The following SIK2 variants were observed in gnomAD, a reference collection of about 807,000 sequenced individuals.
SIK2 encodes the protein salt inducible kinase 2, also known as serine/threonine-protein kinase SIK2.
Under a neutral mutation model 103.2 loss-of-function variants are expected in SIK2, and 29 were observed. The observed-to-expected ratio is 0.28, with a 90% CI of 0.21 to 0.38. The LOEUF (loss-of-function observed/expected upper bound fraction) is 0.38, where lower values mean the gene tolerates loss of function less well. Among genes scored for constraint, SIK2 ranks in the 10% least tolerant of loss-of-function variants. SIK2 has a pLI of 1.00. For synonymous variants in SIK2, 412 were observed against 446.1 expected (o/e 0.92, Z 0.96); for missense variants, 879 against 1,171.0 (o/e 0.75, Z 3.64).
At chr11:111,700,798 A>G (rs987061223) in intron 4 of SIK2, 88 bp from the exon 5 acceptor site, 9 of 1,495,442 alleles carry the variant, frequency 6.0e-6, no homozygotes, top group Non-Finnish European at 8.2e-6. Context: ...TGATATTGTT[A>G]ATATAGCATA....
At chr11:111,670,697 C>T (rs1160799384) in intron 3 of SIK2, among the ~76,000 whole-genome samples, 2 of 152,182 alleles carry the variant, frequency 1.3e-5, no homozygotes, top group East Asian at 3.8e-4. Flanking sequence ...ATAAAAGAAT[C>T]ATAATTTTTT....
At chr11:111,717,989 T>C (rs1943694840) in intron 9 of SIK2, among the ~76,000 whole-genome samples, 1 of 152,038 alleles carries the variant, frequency 6.6e-6, no homozygotes, top group African/African-American at 2.4e-5. Context: ...AGGTGATAGG[T>C]TGACAGGTGC....
At chr11:111,661,092 T>A (rs925138041) in intron 3 of SIK2, among the ~76,000 whole-genome samples, 1 of 152,126 alleles carries the variant, frequency 6.6e-6, no homozygotes, top group Non-Finnish European at 1.5e-5. Context: ...CCAGTCGAGA[T>A]GAATCTAAAA....
chr11:111,615,053 C>G (rs1320959229), intron 1 of SIK2, among the ~76,000 whole-genome samples: 1 of 152,026 alleles, frequency 6.6e-6, no homozygotes, highest in Non-Finnish European at 1.5e-5. Context: ...GCAGGAGAAT[C>G]ACTTGAACCC....
At chr11:111,671,286 C>A in intron 3 of SIK2, 1 of 241,738 alleles carries the variant, frequency 4.1e-6, no homozygotes, top group African/African-American at 2.3e-5. Context: ...GCTCCTGGTA[C>A]TCATGCAGCT....
At chr11:111,693,282 C>T (rs552864490) in intron 4 of SIK2, among the ~76,000 whole-genome samples, 69 of 150,772 alleles carry the variant, frequency 4.6e-4, no homozygotes, top group Middle Eastern at 3.4e-3. Flanking sequence ...TGCAGTGAGC[C>T]GAGATTGTGC....
chr11:111,620,520 T>A (rs1490277453), intron 3 of SIK2, 118 bp downstream of exon 3: 2 of 637,012 alleles, frequency 3.1e-6, no homozygotes, highest in Non-Finnish European at 5.4e-6. Flanking sequence ...TGAAAAAAAA[T>A]TAAGTGTTAG....
intron 4 of SIK2, among the ~76,000 whole-genome samples, chr11:111,695,650 A>G (rs1476290512): frequency 6.6e-6 from 1 of 152,228 alleles, no homozygotes; most frequent in East Asian, 1.9e-4. Flanking sequence ...TTACAAATGC[A>G]GAATCTGAGG....
intron 8 of SIK2, among the ~76,000 whole-genome samples, chr11:111,709,290 C>T (rs1375492093): frequency 6.6e-6 from 1 of 152,166 alleles, no homozygotes; most frequent in African/African-American, 2.4e-5. Context: ...ATCAGGGCCC[C>T]AACCTCAGGA....
chr11:111,725,220 G>A lies in SIK2; in HGVS notation c.*1091G>A, dbSNP rs1308969514. On this transcript the variant is annotated 3_prime_UTR_variant, in exon 15 of 15. Transcript: ENST00000304987. ...TCTTTCTTTTCTGTAGAAACCAACA[G>A]TTTCCATTTATGTCAATGCTAAATC... 2.0e-5 allele frequency: 3 copies of A among 152,590 alleles called. No individual in the cohort carries two copies. The highest frequency in any genetic ancestry group is 4.4e-5 in the Non-Finnish European group (3 of 68,020). The allele number at this position is 152,590 out of a possible 1,614,324, so 9.5% of individuals were successfully genotyped here.
chr11:111,657,863 T>C (rs1342082378), intron 3 of SIK2, among the ~76,000 whole-genome samples: 1 of 151,690 alleles, frequency 6.6e-6, no homozygotes, highest in Non-Finnish European at 1.5e-5. Flanking sequence ...AGAGGAAAGG[T>C]AGATAGGAGG....
At chr11:111,652,866 TA>T (rs1942345035) in intron 3 of SIK2, among the ~76,000 whole-genome samples, 1 of 152,208 alleles carries the variant, frequency 6.6e-6, no homozygotes, top group Admixed American at 6.5e-5. Context: ...TAGTCTTGAT[TA>T]AATCAGAGGC....
intron 4 of SIK2, among the ~76,000 whole-genome samples, chr11:111,697,296 G>A (rs1360302015): frequency 6.6e-6 from 1 of 152,176 alleles, no homozygotes; most frequent in Non-Finnish European, 1.5e-5. Flanking sequence ...CTTTTAAGAG[G>A]TGGGAACAAC....
intron 3 of SIK2, among the ~76,000 whole-genome samples, chr11:111,677,130 C>T (rs1359253436): frequency 1.3e-5 from 2 of 152,160 alleles, no homozygotes; most frequent in Non-Finnish European, 2.9e-5. Context: ...TTAATACCAT[C>T]CAGATGACAT....
Position 111,719,776 on chromosome 11 carries a change from T to A in SIK2, c.1268T>A (p.Val423Asp), listed in dbSNP as rs1565392956. The change falls in exon 10 of 15, where the codon GTC becomes GAC. Residue 423 changes from valine to aspartate, a missense_variant and splice_region_variant. Transcript: ENST00000304987. ...TTTCCTCTCTCCCCTGGCGTTTAGG[T>A]CAATGGCTGTCTGCTTGACCCTGTG... ...MEEECVDTPK[V>D]NGCLLDPVPP... is the part of the protein sequence containing the mutation. 1 of 1,612,364 alleles carries A rather than the reference T, an allele frequency of 6.2e-7. No homozygotes were observed. The highest frequency in any genetic ancestry group is 8.5e-7 in the Non-Finnish European group (1 of 1,179,502).
Position 111,701,571 on chromosome 11 carries a change from A to T in SIK2, c.723A>T (p.Ser241=). 6.2e-7 allele frequency: 1 copy of T among 1,613,710 alleles called. No individual in the cohort carries two copies. Among genetic ancestry groups the T allele is most frequent in the Non-Finnish European group, 8.5e-7 (1 of 1,179,686 alleles). ...GATTCCGGATTCCGTATTTCATGTC[A>T]GAAGGTAATCAACTTTTCATCTTAT... ...EGRFRIPYFM[S]EDCEHLIRRM... Residue 241 remains serine (S), a synonymous_variant, in exon 6 of 15, where the codon TCA becomes TCT. Transcript: ENST00000304987. This position sits in a 1 kb window ranked among gnomAD's most constrained non-coding sequence, Gnocchi z 4.2.
chr11:111,711,363 C>T (rs1019784664), intron 8 of SIK2, among the ~76,000 whole-genome samples: 27 of 152,128 alleles, frequency 1.8e-4, no homozygotes, highest in Admixed American at 9.2e-4. Context: ...TCTCATGATC[C>T]GCCTGCCTCG....
intron 1 of SIK2, among the ~76,000 whole-genome samples, chr11:111,605,051 C>T (rs140248998): frequency 1.5e-3 from 225 of 151,614 alleles, no homozygotes; most frequent in East Asian, 0.01. Context: ...CAACCTCTGC[C>T]TCCTGGGTTC....
chr11:111,646,833 A>T (rs1283618844), intron 3 of SIK2, among the ~76,000 whole-genome samples: 1 of 152,110 alleles, frequency 6.6e-6, no homozygotes, highest in East Asian at 1.9e-4. Context: ...TCTTGTGTGC[A>T]TTTGCCACAA....
Sources: gnomAD v4.1 joint callset for allele counts (sites outside exome capture counted in the v4.1 genomes callset) on GRCh38, gnomAD v4.1.1 for gene constraint, Gnocchi (gnomAD v3.1) non-coding constraint, MANE v1.5 for transcripts, NCBI Gene and HGNC (gene_info 2026-07-23, HGNC 2026-07-21) for gene names.